SORBS2: variants seen among roughly 807,000 people sequenced by gnomAD.
SORBS2 encodes sorbin and SH3 domain-containing protein 2.
SORBS2 carries 46 observed loss-of-function variants against 97.7 expected under a neutral mutation model. That is an observed-to-expected ratio of 0.47 (90% CI 0.37 to 0.60). The LOEUF (loss-of-function observed/expected upper bound fraction) is 0.60. SORBS2 is among the 20% of genes least tolerant of loss of function. The pLI is 0.00. For missense variants in SORBS2, 1,316 were observed against 1,282.3 expected (o/e 1.03, Z -0.40); for synonymous variants, 476 against 473.4 (o/e 1.01, Z -0.07).
At chr4:185,609,770 G>C (rs1250710321) in intron 12 of SORBS2, among the ~76,000 whole-genome samples, 1 of 152,198 alleles carries the variant, frequency 6.6e-6, no homozygotes, top group Admixed American at 6.5e-5. Flanking sequence ...TTCTCTGTTT[G>C]TAAATATCAG....
chr4:185,927,175 A>T (rs913993556), intron 1 of SORBS2, among the ~76,000 whole-genome samples: 5 of 148,912 alleles, frequency 3.4e-5, no homozygotes, highest in Non-Finnish European at 7.4e-5. Context: ...TAAGGTATAC[A>T]TATTATATAT....
intron 4 of SORBS2, among the ~76,000 whole-genome samples, chr4:185,642,320 G>A (rs2097139436): frequency 6.6e-6 from 1 of 151,426 alleles, no homozygotes. Context: ...TTCAAGTTTA[G>A]TTATTGTAGG....
At chr4:185,803,677 C>T (rs1209930162) in intron 1 of SORBS2, among the ~76,000 whole-genome samples, 1 of 151,912 alleles carries the variant, frequency 6.6e-6, no homozygotes, top group African/African-American at 2.4e-5. Flanking sequence ...ATTAAAAAAG[C>T]CATATTAATC....
intron 2 of SORBS2, among the ~76,000 whole-genome samples, chr4:185,761,202 CTT>C (rs2098887393): frequency 6.6e-6 from 1 of 152,178 alleles, no homozygotes; most frequent in Non-Finnish European, 1.5e-5. Flanking sequence ...TCAGTAATGT[CTT>C]TATTCATTCA....
rs754071179 is a variant in SORBS2 at position 185,606,769 on chromosome 4, G to A, written c.2796+5011C>T. On this transcript the variant is annotated intron_variant, in intron 12 of 14. Transcript: ENST00000418609. This position sits in a 1 kb window ranked among gnomAD's most constrained non-coding sequence, Gnocchi z 4.3. ...GGCGTCTCCTTCCTGAGGTTCTGGC[G>A]GCCCTCTCTGGATGCCTGACACAAT... 3.8e-4 allele frequency: 377 copies of A among 985,196 alleles called. No homozygotes were observed. The highest frequency in any genetic ancestry group is 4.4e-4 in the Non-Finnish European group (361 of 829,882). The allele number at this position is 985,196 out of a possible 1,614,324, so 61.0% of individuals were successfully genotyped here. A position where few individuals can be genotyped will look rare whatever the true frequency, so the allele number is the denominator to read the frequency against.
At chr4:185,803,228 A>G (rs2099138826) in intron 1 of SORBS2, among the ~76,000 whole-genome samples, 1 of 152,160 alleles carries the variant, frequency 6.6e-6, no homozygotes, top group African/African-American at 2.4e-5. Flanking sequence ...GAATGAGGCA[A>G]TTCATTAACA....
intron 1 of SORBS2, among the ~76,000 whole-genome samples, chr4:185,900,332 A>C (rs2099247060): frequency 6.6e-6 from 1 of 152,226 alleles, no homozygotes. Context: ...GCAGTGAACC[A>C]CACAGCCTTT....
intron 12 of SORBS2, among the ~76,000 whole-genome samples, chr4:185,597,984 C>G (rs1449213208): frequency 6.6e-6 from 1 of 152,214 alleles, no homozygotes; most frequent in East Asian, 1.9e-4. Context: ...CCTTGTAAAG[C>G]CACCAGCATT....
intron 1 of SORBS2, among the ~76,000 whole-genome samples, chr4:185,881,099 T>A (rs2099236641): frequency 6.6e-6 from 1 of 152,192 alleles, no homozygotes; most frequent in Non-Finnish European, 1.5e-5. Context: ...TTTATTAGCA[T>A]CATGCAAGGA....
intron 4 of SORBS2, among the ~76,000 whole-genome samples, chr4:185,664,057 T>A (rs569669645): frequency 6.6e-6 from 1 of 152,000 alleles, no homozygotes; most frequent in Non-Finnish European, 1.5e-5. Flanking sequence ...GGTTTCACCA[T>A]GTTAGCCAGG....
chr4:185,834,579 G>A (rs1014519167), intron 1 of SORBS2, among the ~76,000 whole-genome samples: 7 of 152,088 alleles, frequency 4.6e-5, no homozygotes, highest in East Asian at 3.9e-4. Flanking sequence ...TCTACCAGCC[G>A]TATAGAGGAG....
At chr4:185,806,434 CTATTTTTTTTTTTTTTTTTTTTTT>C (rs2099154338) in intron 1 of SORBS2, among the ~76,000 whole-genome samples, 3 of 108,150 alleles carry the variant, frequency 2.8e-5, no homozygotes, top group Non-Finnish European at 3.7e-5. Context: ...GGCTAGAATC[CTATTTTTTTTTTTTTTTTTTTTTT>C]TTTTTTTTTT....
At chr4:185,595,070 G>T (rs146454494) in intron 12 of SORBS2, among the ~76,000 whole-genome samples, 1 of 152,114 alleles carries the variant, frequency 6.6e-6, no homozygotes, top group African/African-American at 2.4e-5. Flanking sequence ...TAATTCTGAG[G>T]TTCCTTTCAG....
At chr4:185,596,569 T>C (rs2096096791) in intron 12 of SORBS2, among the ~76,000 whole-genome samples, 2 of 123,452 alleles carry the variant, frequency 1.6e-5, no homozygotes, top group Non-Finnish European at 3.2e-5. Context: ...GGAGTCTCAC[T>C]CTGCCACCAG....
At chr4:185,619,432 C>G (rs545496394) in intron 8 of SORBS2, among the ~76,000 whole-genome samples, 190 of 152,252 alleles carry the variant, frequency 1.2e-3, no homozygotes, top group Non-Finnish European at 1.5e-3. Context: ...CTACATCAGA[C>G]GCCTATAAGA....
At chr4:185,709,103 C>T (rs1005536906) in intron 2 of SORBS2, among the ~76,000 whole-genome samples, 3 of 152,106 alleles carry the variant, frequency 2.0e-5, no homozygotes, top group Non-Finnish European at 2.9e-5. Context: ...CTGCAACCTC[C>T]GCCTCTCGGG....
intron 12 of SORBS2, among the ~76,000 whole-genome samples, chr4:185,597,154 G>T (rs561763298): frequency 5.9e-5 from 9 of 152,326 alleles, no homozygotes; most frequent in South Asian, 2.1e-4. Context: ...GGAATGAGTA[G>T]CAAGAACAGT....
intron 2 of SORBS2, among the ~76,000 whole-genome samples, chr4:185,737,240 G>A (rs1010051512): frequency 6.6e-6 from 1 of 152,204 alleles, no homozygotes; most frequent in Non-Finnish European, 1.5e-5. Context: ...GTTCCAGGTT[G>A]GGGGTATAAA....
intron 1 of SORBS2, among the ~76,000 whole-genome samples, chr4:185,954,312 C>A (rs1305710885): frequency 6.6e-6 from 1 of 152,140 alleles, no homozygotes; most frequent in African/African-American, 2.4e-5. Flanking sequence ...ATCTCACATA[C>A]ATTTAAAAAA....
Sources: gnomAD v4.1 joint callset for allele counts (sites outside exome capture counted in the v4.1 genomes callset) on GRCh38, gnomAD v4.1.1 for gene constraint, Gnocchi (gnomAD v3.1) non-coding constraint, MANE v1.5 for transcripts, NCBI Gene and HGNC (gene_info 2026-07-23, HGNC 2026-07-21) for gene names.